The following FAM167A variants were observed in gnomAD, a reference collection of about 807,000 sequenced individuals.
FAM167A encodes the protein protein FAM167A.
FAM167A carries 23 observed loss-of-function variants against 14.9 expected under a neutral mutation model. That is an observed-to-expected ratio of 1.55 (90% CI 1.11 to 2.19). FAM167A has a LOEUF of 2.19. FAM167A is among the 30% of genes most tolerant of loss of function. The pLI, the probability that FAM167A is intolerant of heterozygous loss-of-function variation, is 0.00. For synonymous variants in FAM167A, 174 were observed against 117.7 expected (o/e 1.48, Z -3.10); for missense variants, 401 against 281.5 (o/e 1.42, Z -3.04).
intron 2 of FAM167A, among the ~76,000 whole-genome samples, chr8:11,429,794 G>C (rs1278807649): frequency 1.3e-5 from 2 of 152,180 alleles, no homozygotes; most frequent in Non-Finnish European, 2.9e-5. Context: ...CTCCTCACTC[G>C]TTGGGTGGCA....
chr8:11,460,676 G>A (rs1490044156), intron 1 of FAM167A, among the ~76,000 whole-genome samples: 2 of 152,132 alleles, frequency 1.3e-5, no homozygotes, highest in South Asian at 2.1e-4. Context: ...CACACACAAT[G>A]ACCTGGGCTA....
chr8:11,455,769 T>G (rs796445891), intron 1 of FAM167A, among the ~76,000 whole-genome samples: 696 of 14,330 alleles, frequency 0.049, no homozygotes, highest in South Asian at 0.063. Flanking sequence ...TGTGAGTGTA[T>G]TGGGGGTGGT....
chr8:11,447,492 A>T (rs1429183321), intron 1 of FAM167A, among the ~76,000 whole-genome samples: 1 of 152,230 alleles, frequency 6.6e-6, no homozygotes, highest in Non-Finnish European at 1.5e-5. Flanking sequence ...GTGACCAGCT[A>T]GTGATGGTCC....
chr8:11,426,190 A>G (rs1012409655), intron 2 of FAM167A, among the ~76,000 whole-genome samples: 2 of 152,168 alleles, frequency 1.3e-5, no homozygotes, highest in African/African-American at 4.8e-5. Flanking sequence ...GAATCTACCT[A>G]AGACCTGTAA....
At chr8:11,430,684 T>G (rs896707909) in intron 2 of FAM167A, among the ~76,000 whole-genome samples, 1 of 151,846 alleles carries the variant, frequency 6.6e-6, no homozygotes, top group Non-Finnish European at 1.5e-5. Flanking sequence ...TCACTAAAGA[T>G]GGTAATTAAA....
At chr8:11,427,982 A>G (rs1554523169) in intron 2 of FAM167A, among the ~76,000 whole-genome samples, 1 of 152,180 alleles carries the variant, frequency 6.6e-6, no homozygotes, top group Non-Finnish European at 1.5e-5. Context: ...AACCCTTCTG[A>G]GGAGATGGGG....
At chr8:11,460,121 G>T (rs891072885) in intron 1 of FAM167A, among the ~76,000 whole-genome samples, 1 of 152,264 alleles carries the variant, frequency 6.6e-6, no homozygotes. Context: ...CCACCAGTGT[G>T]AGAGGATGGG....
chr8:11,475,901 T>G (rs1244778195), exon 1 of FAM167A, among the ~76,000 whole-genome samples: 1 of 152,180 alleles, frequency 6.6e-6, no homozygotes, highest in East Asian at 1.9e-4. Flanking sequence ...ATCCTCCCAG[T>G]AGACTACGAG....
chr8:11,425,682 T>C (rs1021049298), intron 2 of FAM167A, among the ~76,000 whole-genome samples: 1 of 151,860 alleles, frequency 6.6e-6, no homozygotes, highest in Non-Finnish European at 1.5e-5. Flanking sequence ...CCCCTTGCTG[T>C]TGGAGTTTAG....
At chr8:11,427,157 C>G (rs906681586) in intron 2 of FAM167A, among the ~76,000 whole-genome samples, 1 of 152,164 alleles carries the variant, frequency 6.6e-6, no homozygotes, top group East Asian at 1.9e-4. Flanking sequence ...TTCCCTTTGG[C>G]TTAGTGATTG....
intron 2 of FAM167A, among the ~76,000 whole-genome samples, chr8:11,442,902 C>A (rs773712239): frequency 7.9e-5 from 12 of 152,202 alleles, no homozygotes; most frequent in Non-Finnish European, 1.5e-4. Flanking sequence ...TCCCTGCGTC[C>A]CTGAGCCCTG....
chr8:11,440,610 T>A (rs1276291209), intron 2 of FAM167A, among the ~76,000 whole-genome samples: 2 of 152,200 alleles, frequency 1.3e-5, no homozygotes, highest in African/African-American at 4.8e-5. Context: ...TGCTAGGTGG[T>A]CAGAGGACAG....
intron 2 of FAM167A, among the ~76,000 whole-genome samples, chr8:11,424,946 G>C (rs967933050): frequency 6.6e-6 from 1 of 152,180 alleles, no homozygotes; most frequent in African/African-American, 2.4e-5. Flanking sequence ...CATTTAGATG[G>C]AGTAAGAGTA....
At chr8:11,440,211 G>A (rs1161791624) in intron 2 of FAM167A, among the ~76,000 whole-genome samples, 2 of 152,188 alleles carry the variant, frequency 1.3e-5, no homozygotes, top group East Asian at 1.9e-4. Context: ...CCGCAGCCCT[G>A]CCTGCCACAG....
rs1489876564 is a variant in FAM167A at position 11,424,293 on chromosome 8, G to GT, written c.*79dup. On this transcript the variant is annotated 3_prime_UTR_variant, in exon 3 of 3. Coordinates refer to ENST00000284486, the MANE Select transcript of FAM167A (RefSeq NM_053279.3). ...CCCTGCCTCCGGGAGACCCACTGGA[G>GT]TAACTTGGCCTCAGCTTCCTCTGAC... is the stretch of plus-strand genomic sequence containing the variant. 6.3e-6 allele frequency: 10 copies of GT among 1,576,670 alleles called. No individual in the cohort carries two copies. The African/African-American group carries it at 1.2e-4, about 19-fold the overall frequency.
chr8:11,456,957 G>C (rs1807342946), intron 1 of FAM167A, among the ~76,000 whole-genome samples: 1 of 132,212 alleles, frequency 7.6e-6, no homozygotes, highest in South Asian at 2.7e-4. Context: ...GCTGGGTTAG[G>C]GAAGTGGGCG....
chr8:11,469,192 T>G (rs111908593), upstream of FAM167A, among the ~76,000 whole-genome samples: 831 of 152,244 alleles, frequency 5.5e-3, 10 homozygotes, highest in African/African-American at 0.017. Context: ...TATGTATGCA[T>G]GGAAAAAAGA....
chr8:11,433,064 G>T (rs907358650), intron 2 of FAM167A, among the ~76,000 whole-genome samples: 2 of 152,110 alleles, frequency 1.3e-5, no homozygotes, highest in Admixed American at 6.5e-5. Flanking sequence ...GGGCCTGTTG[G>T]GGGGTAGGGA....
At chr8:11,455,326 G>A (rs1010474239) in intron 1 of FAM167A, among the ~76,000 whole-genome samples, 1 of 148,868 alleles carries the variant, frequency 6.7e-6, no homozygotes, top group Admixed American at 6.7e-5. Flanking sequence ...TGAGTGTGGG[G>A]GGTGGTTGCC....
Sources: allele counts gnomAD v4.1 joint callset (sites outside exome capture counted in the v4.1 genomes callset), GRCh38; gene constraint gnomAD v4.1.1; transcripts MANE v1.5; gene names NCBI Gene and HGNC (gene_info 2026-07-23, HGNC 2026-07-21).